The following IKBKB variants were observed in gnomAD, a reference collection of about 807,000 sequenced individuals.
IKBKB encodes the protein inhibitor of nuclear factor kappa-B kinase subunit beta.
In IKBKB, 42 loss-of-function variants were observed where a neutral mutation model predicts 113.6. The ratio of observed to expected loss-of-function variants is 0.37; its 90% CI spans 0.29 to 0.48. The LOEUF is 0.48. Ranked by LOEUF, IKBKB falls within the 20% of genes least tolerant of loss-of-function variation. IKBKB has a pLI of 0.99. For missense variants in IKBKB, 673 were observed against 939.7 expected (o/e 0.72, Z 3.71); for synonymous variants, 296 against 361.3 (o/e 0.82, Z 2.05).
In IKBKB at chr8:42,280,299, G is replaced by A. The variant is rs147067243; in HGVS notation, c.105+8094G>A. ...TGTTCTTGTGGTTCTCCTGCCACGC[G>A]GGCCTCACCATTCCACATTGTGTCG... On this transcript the variant is annotated intron_variant, in intron 2 of 21. Coordinates refer to ENST00000520810, the MANE Select transcript of IKBKB (RefSeq NM_001556.3). Among the ~76,000 whole-genome samples the A allele has an allele frequency of 2.5e-3, 378 of 152,266 alleles. 2 individuals are homozygous for A. Among genetic ancestry groups the A allele is most frequent in the African/African-American group, 8.7e-3 (360 of 41,548 alleles).
chr8:42,274,791 C>T (rs1305580105), intron 2 of IKBKB, among the ~76,000 whole-genome samples: 1 of 39,156 alleles, frequency 2.6e-5, no homozygotes, highest in East Asian at 8.7e-4. Context: ...GGCGCGCCCC[C>T]CCCCCCCCCC....
intron 5 of IKBKB, chr8:42,298,606 T>A: frequency 2.4e-6 from 1 of 409,840 alleles, no homozygotes; most frequent in Non-Finnish European, 3.3e-6. Flanking sequence ...AAAGCATAAG[T>A]AACCAGGTTA....
intron 19 of IKBKB, 151 bp downstream of exon 19, chr8:42,322,645 T>G: frequency 1.3e-6 from 1 of 769,234 alleles, no homozygotes; most frequent in South Asian, 1.7e-5. Flanking sequence ...GTTCTTTGAC[T>G]TGGTGTAAGC....
At chr8:42,293,346 G>T in intron 4 of IKBKB, 97 bp from the exon 5 acceptor site, 2 of 1,495,098 alleles carry the variant, frequency 1.3e-6, no homozygotes, top group Admixed American at 1.7e-5. Context: ...AGGGCCCAGG[G>T]TCAGCACTCT....
At chr8:42,320,608 C>T in intron 15 of IKBKB, 127 bp from the exon 16 acceptor site, 1 of 755,196 alleles carries the variant, frequency 1.3e-6, no homozygotes, top group East Asian at 2.6e-5. Context: ...AGTCCACATT[C>T]CTTTGAGCCA....
chr8:42,319,160 A>C, intron 13 of IKBKB, 110 bp from the exon 14 acceptor site: 1 of 975,912 alleles, frequency 1.0e-6, no homozygotes, highest in Non-Finnish European at 1.6e-6. Flanking sequence ...GATGATGATA[A>C]TAATTATAGC....
chr8:42,325,102 G>T (rs1820495349), intron 19 of IKBKB: 1 of 368,292 alleles, frequency 2.7e-6, no homozygotes, highest in African/African-American at 2.2e-5. Flanking sequence ...GGGCTACATG[G>T]GTGGGTTGGG....
rs1270605606 is a variant in IKBKB at position 42,319,330 on chromosome 8, G to A, written c.1425G>A (p.Met475Ile). The A allele has an allele frequency of 1.9e-6, 3 of 1,614,178 alleles. No homozygotes were observed. Among genetic ancestry groups the A allele is most frequent in the Non-Finnish European group, 2.5e-6 (3 of 1,180,006 alleles). ...LSKMKNSMAS[M>I]SQQLKAKLDF... is the part of the protein sequence containing the mutation. The stretch of plus-strand genomic sequence containing the variant: ...AAATGAAGAATTCCATGGCTTCCAT[G>A]TCTCAGCAGCTCAAGGCCAAGTTGG... Residue 475 changes from methionine (M) to isoleucine (I), a missense_variant, in exon 14 of 22, where the codon ATG (methionine) becomes ATA (isoleucine). By Grantham distance (10) the Met-to-Ile change is conservative. Around this residue, in one of 2 missense-constraint regions of IKBKB, gnomAD observed 506 missense variants for 638.7 expected, o/e 0.79. Coordinates refer to ENST00000520810, the MANE Select transcript of IKBKB (RefSeq NM_001556.3).
chr8:42,291,756 T>C (rs1812690872), intron 4 of IKBKB, among the ~76,000 whole-genome samples: 1 of 152,088 alleles, frequency 6.6e-6, no homozygotes, highest in Non-Finnish European at 1.5e-5. Flanking sequence ...CAAGGCCCTG[T>C]CTCCTCAAAA....
intron 21 of IKBKB, chr8:42,330,457 A>T (rs1585846646): frequency 4.4e-6 from 1 of 228,508 alleles, no homozygotes. Context: ...AAGTGCTGGA[A>T]CTATAGGCAT....
intron 2 of IKBKB, among the ~76,000 whole-genome samples, chr8:42,282,209 G>T (rs1034608777): frequency 6.6e-6 from 1 of 151,972 alleles, no homozygotes; most frequent in Non-Finnish European, 1.5e-5. Context: ...TTGAGACAGG[G>T]TCTCACTCCA....
At chr8:42,276,822 G>T (rs1245460128) in intron 2 of IKBKB, among the ~76,000 whole-genome samples, 1 of 149,114 alleles carries the variant, frequency 6.7e-6, no homozygotes, top group Non-Finnish European at 1.5e-5. Flanking sequence ...AGCCTCCTGA[G>T]TAGCTGGGAT....
intron 4 of IKBKB, among the ~76,000 whole-genome samples, chr8:42,292,506 T>G (rs939393424): frequency 4.6e-5 from 7 of 152,198 alleles, no homozygotes; most frequent in Non-Finnish European, 1.5e-5. Context: ...TTGTTCCCTC[T>G]AAAAAGTTCA....
chr8:42,271,484 T>C lies in IKBKB; in HGVS notation c.-19+15T>C. On this transcript the variant is annotated intron_variant, in intron 1 of 21. Coordinates refer to ENST00000520810, the MANE Select transcript of IKBKB (RefSeq NM_001556.3). ...CCTGCCGACAGGTGAGTCCCCCTCG[T>C]GGGTGCGGCCCGGGTGCCACCTGCA... is the stretch of plus-strand genomic sequence containing the variant. 9.7e-7 allele frequency: 1 copy of C among 1,035,608 alleles called. No homozygotes were observed. The highest frequency in any genetic ancestry group is 1.4e-6 in the Non-Finnish European group (1 of 730,600). 64.2% of individuals were successfully genotyped at this position (1,035,608 alleles called of 1,614,324 possible).
chr8:42,297,922 C>A (rs566496382), intron 5 of IKBKB: 1 of 174,318 alleles, frequency 5.7e-6, no homozygotes, highest in Non-Finnish European at 1.1e-5. Flanking sequence ...GAATGAGCAG[C>A]TGCCTGGCGG....
At chr8:42,329,286 A>G in intron 21 of IKBKB, 72 bp downstream of exon 21, 1 of 1,497,614 alleles carries the variant, frequency 6.7e-7, no homozygotes. Context: ...AGAAAATGGA[A>G]ATGCAATCTG....
At chr8:42,290,914 G>A (rs1195935286) in intron 4 of IKBKB, among the ~76,000 whole-genome samples, 1 of 152,188 alleles carries the variant, frequency 6.6e-6, no homozygotes, top group Admixed American at 6.5e-5. Flanking sequence ...GGGCAGTTGG[G>A]TGCCCTCCTC....
At chr8:42,306,683 C>T (rs1816600622) in intron 7 of IKBKB, among the ~76,000 whole-genome samples, 1 of 152,256 alleles carries the variant, frequency 6.6e-6, no homozygotes, top group Non-Finnish European at 1.5e-5. Context: ...CCCCTAGCCT[C>T]TCTGTGCTTC....
At chr8:42,308,495 A>G (rs1817010672) in intron 7 of IKBKB, among the ~76,000 whole-genome samples, 1 of 151,878 alleles carries the variant, frequency 6.6e-6, no homozygotes, top group African/African-American at 2.4e-5. Context: ...ACGGGGTTTC[A>G]CCATGTTGGC....
Sources: allele counts gnomAD v4.1 joint callset (sites outside exome capture counted in the v4.1 genomes callset), GRCh38; gene constraint gnomAD v4.1.1; regional missense constraint gnomAD v4.1.1; transcripts MANE v1.5; gene names NCBI Gene and HGNC (gene_info 2026-07-23, HGNC 2026-07-21).